Variants in NLRP11 observed in about 807,000 individuals in gnomAD.
The protein encoded by NLRP11 is NLR family pyrin domain containing 11.
A neutral mutation model predicts 79.3 loss-of-function variants in NLRP11; 53 were observed. That is an observed-to-expected ratio of 0.67 (90% CI 0.54 to 0.84). The LOEUF is 0.84. NLRP11 is among the 40% of genes least tolerant of loss of function. The pLI is 0.00. For missense variants in NLRP11, 1,264 were observed against 1,255.0 expected, an observed-to-expected ratio of 1.01 and a Z score of -0.11; for synonymous variants, 518 against 462.6, an observed-to-expected ratio of 1.12 and a Z score of -1.54.
chr19:55,808,044 TG>T, intron 3 of NLRP11, 30 bp from the exon 4 acceptor site: 1 of 1,503,128 alleles, frequency 6.7e-7, no homozygotes, highest in Non-Finnish European at 9.1e-7. Context: ...AGTTTTCCAA[TG>T]GAATCGATTC....
chr19:55,815,842 C>T (rs911855252), intron 2 of NLRP11, among the ~76,000 whole-genome samples: 16 of 152,252 alleles, frequency 1.1e-4, no homozygotes, highest in African/African-American at 3.9e-4. Flanking sequence ...TTCATCACAT[C>T]AGGGACAGGG....
chr19:55,814,940 T>C (rs8102207), intron 2 of NLRP11, among the ~76,000 whole-genome samples: 33,994 of 152,136 alleles, frequency 0.22, 5,817 homozygotes, highest in African/African-American at 0.48. Context: ...CCCCACGGAT[T>C]GTTATTTTAC....
intron 7 of NLRP11, 57 bp from the exon 8 acceptor site, chr19:55,789,456 C>T (rs1990107567): frequency 6.6e-7 from 1 of 1,503,820 alleles, no homozygotes; most frequent in East Asian, 2.3e-5. Flanking sequence ...AGATTTATTT[C>T]ACAGAGTGTT....
At position 55,788,363 on chromosome 19, in the gene NLRP11, C is replaced by CTT. The variant is rs74179639; in HGVS notation, c.2855+442_2855+443dup. On this transcript the variant is annotated intron_variant, in intron 9 of 9. Transcript: ENST00000589093. Reference sequence around the variant, plus strand: ...ATTTTCAATCTCCCAAGAGGAAAGACTTTTTTTTTTTTTTTGTATTGGAAA... The same window carrying CTT: ...ATTTTCAATCTCCCAAGAGGAAAGACTTTTTTTTTTTTTTTTTGTATTGGAAA... 1.2e-3 allele frequency among the ~76,000 whole-genome samples: 166 copies of CTT among 140,732 alleles called. 1 individual carries two copies. The highest frequency in any genetic ancestry group is 7.2e-3 in the Middle Eastern group (2 of 276). The allele number at this position is 140,732 out of a possible 152,430, so 92.3% of individuals were successfully genotyped here. A position where few individuals can be genotyped will look rare whatever the true frequency, so the allele number is the denominator to read the frequency against.
At chr19:55,835,424 G>A (rs935066695), upstream of NLRP11, among the ~76,000 whole-genome samples, 89 of 152,272 alleles carry the variant, frequency 5.8e-4, no homozygotes, top group Non-Finnish European at 2.1e-4. Flanking sequence ...TTGCAGGCCA[G>A]GCACAGTGGC....
chr19:55,836,289 G>A (rs1242897052), upstream of NLRP11: 1 of 152,120 alleles, frequency 6.6e-6, no homozygotes, highest in African/African-American at 2.4e-5. Flanking sequence ...GGAGAGACTG[G>A]AGGAGCATCC....
intron 5 of NLRP11, among the ~76,000 whole-genome samples, chr19:55,796,586 T>C (rs1568630184): frequency 6.6e-6 from 1 of 152,166 alleles, no homozygotes; most frequent in Non-Finnish European, 1.5e-5. Context: ...CATTTATAAA[T>C]CTGATCAAGA....
intron 4 of NLRP11, among the ~76,000 whole-genome samples, chr19:55,803,794 A>C (rs1007131061): frequency 6.6e-6 from 1 of 151,784 alleles, no homozygotes; most frequent in Non-Finnish European, 1.5e-5. Context: ...GAATCAAAAA[A>C]TAACAGGCTG....
exon 10 of NLRP11, chr19:55,785,716 G>A: frequency 6.2e-7 from 1 of 1,613,886 alleles, no homozygotes; most frequent in Non-Finnish European, 8.5e-7. Flanking sequence ...ATTAGAATTA[G>A]GTATTATTGA....
chr19:55,808,890 A>T (rs749412795), exon 3 of NLRP11: 15 of 1,614,020 alleles, frequency 9.3e-6, no homozygotes, highest in Non-Finnish European at 1.2e-5. Context: ...TCCTTGTCTG[A>T]TTGAAGGTAA....
chr19:55,817,179 A>T (rs1209256868), intron 2 of NLRP11, among the ~76,000 whole-genome samples: 1 of 152,194 alleles, frequency 6.6e-6, no homozygotes, highest in Non-Finnish European at 1.5e-5. Context: ...AAAAAATTTA[A>T]AAAATAGATG....
intron 2 of NLRP11, among the ~76,000 whole-genome samples, chr19:55,811,311 A>G (rs1980581348): frequency 6.6e-6 from 1 of 152,246 alleles, no homozygotes; most frequent in South Asian, 2.1e-4. Flanking sequence ...GAGGTATGAT[A>G]CAGAAATGAT....
exon 6 of NLRP11, chr19:55,796,190 A>ACTG (rs1978841562): frequency 6.2e-7 from 1 of 1,613,896 alleles, no homozygotes; most frequent in African/African-American, 1.3e-5. Flanking sequence ...GACTCCCGCC[A>ACTG]CTGATGAGGA....
chr19:55,789,944 A>C (rs1990135875), intron 7 of NLRP11, among the ~76,000 whole-genome samples: 1 of 151,602 alleles, frequency 6.6e-6, no homozygotes, highest in African/African-American at 2.4e-5. Context: ...CCCATTATCT[A>C]CTCCTACAAT....
At chr19:55,786,991 A>G (rs775085761) in intron 9 of NLRP11, among the ~76,000 whole-genome samples, 1 of 152,248 alleles carries the variant, frequency 6.6e-6, no homozygotes, top group African/African-American at 2.4e-5. Context: ...GGTCTCCAGC[A>G]TAGAGTCTGT....
In NLRP11 at chr19:55,796,945, T is replaced by A. The variant is rs544202649; in HGVS notation, c.2172-695A>T. ...CTCAGGGGATCCACCCGCCTCGGCC[T>A]CCCAAAGTGCTGCGATTACAGGCAT... On this transcript the variant is annotated intron_variant, in intron 5 of 9. Transcript: ENST00000589093. 7.2e-4 allele frequency among the ~76,000 whole-genome samples: 110 copies of A among 152,264 alleles called. 1 individual carries two copies. Among genetic ancestry groups the A allele is most frequent in the African/African-American group, 2.6e-3 (107 of 41,544 alleles).
upstream of NLRP11, chr19:55,832,237 A>G (rs1359587655): frequency 6.6e-6 from 1 of 152,224 alleles, no homozygotes; most frequent in East Asian, 1.9e-4. Flanking sequence ...CTCATGGGGC[A>G]TCTGACCAAG....
upstream of NLRP11, among the ~76,000 whole-genome samples, chr19:55,832,565 C>T (rs935608506): frequency 2.6e-5 from 4 of 152,174 alleles, no homozygotes; most frequent in South Asian, 2.1e-4. Context: ...CAGTCCTATG[C>T]GCAGGTATCT....
At chr19:55,835,528 C>T (rs886986599), upstream of NLRP11, among the ~76,000 whole-genome samples, 1 of 149,866 alleles carries the variant, frequency 6.7e-6, no homozygotes, top group African/African-American at 2.5e-5. Context: ...TGGTGAAACC[C>T]TGTCTCTACT....
Sources: gnomAD v4.1 joint callset for allele counts (sites outside exome capture counted in the v4.1 genomes callset) on GRCh38, gnomAD v4.1.1 for gene constraint, MANE v1.5 for transcripts, NCBI Gene and HGNC (gene_info 2026-07-23, HGNC 2026-07-21) for gene names.